EVA1A: variants seen among roughly 807,000 people sequenced by gnomAD.
EVA1A encodes protein eva-1 homolog A.
Under a neutral mutation model 9.8 loss-of-function variants are expected in EVA1A, and 7 were observed. The ratio of observed to expected loss-of-function variants is 0.71; its 90% CI spans 0.41 to 1.34. The LOEUF is 1.34. Ranked by LOEUF, EVA1A falls within the 40% of genes most tolerant of loss-of-function variation. The probability of loss-of-function intolerance (pLI) is 0.01; values close to 1 mark genes in which losing one functional copy is unlikely to be tolerated. For synonymous variants in EVA1A, 90 were observed against 85.6 expected (o/e 1.05, Z -0.28); for missense variants, 206 against 205.9 (o/e 1.00, Z 0.00).
chr2:75,561,765 C>T (rs932555612), upstream of EVA1A, among the ~76,000 whole-genome samples: 1 of 152,172 alleles, frequency 6.6e-6, no homozygotes, highest in African/African-American at 2.4e-5. Flanking sequence ...TAGCAAAGAG[C>T]ACAGCCAGGG....
upstream of EVA1A, among the ~76,000 whole-genome samples, chr2:75,562,783 G>C (rs1016388643): frequency 6.6e-6 from 1 of 152,344 alleles, no homozygotes; most frequent in Middle Eastern, 3.4e-3. Flanking sequence ...GTAATACTAC[G>C]TGTGTTAGCC....
chr2:75,526,651 A>G (rs1675449298), intron 1 of EVA1A, among the ~76,000 whole-genome samples: 1 of 152,212 alleles, frequency 6.6e-6, no homozygotes, highest in Non-Finnish European at 1.5e-5. Flanking sequence ...AAAGCACTGG[A>G]GACAGAAGGA....
intron 3 of EVA1A, among the ~76,000 whole-genome samples, chr2:75,508,557 C>T (rs1481504842): frequency 6.6e-6 from 1 of 152,130 alleles, no homozygotes; most frequent in Admixed American, 6.5e-5. Context: ...GACAATGGTA[C>T]CCGAAACTTC....
chr2:75,512,054 T>C (rs1674836386), intron 3 of EVA1A, among the ~76,000 whole-genome samples: 1 of 151,894 alleles, frequency 6.6e-6, no homozygotes, highest in South Asian at 2.1e-4. Flanking sequence ...ACATAGAAGC[T>C]ACACATATTT....
upstream of EVA1A, among the ~76,000 whole-genome samples, chr2:75,565,905 T>A (rs1425827509): frequency 1.3e-5 from 2 of 152,210 alleles, no homozygotes; most frequent in African/African-American, 4.8e-5. Context: ...TTAACAAAAG[T>A]GAATTTGAAA....
At chr2:75,525,096 T>C (rs1264538657) in intron 1 of EVA1A, among the ~76,000 whole-genome samples, 8 of 151,728 alleles carry the variant, frequency 5.3e-5, no homozygotes, top group Admixed American at 5.2e-4. Flanking sequence ...TACATACATA[T>C]ATAAATATAC....
At chr2:75,501,149 C>G (rs1674403602) in intron 3 of EVA1A, among the ~76,000 whole-genome samples, 1 of 152,130 alleles carries the variant, frequency 6.6e-6, no homozygotes, top group East Asian at 1.9e-4. Flanking sequence ...CTTCATTGTC[C>G]ACTCTTGACC....
chr2:75,555,259 A>T (rs996686460), intron 1 of EVA1A, among the ~76,000 whole-genome samples: 1 of 143,628 alleles, frequency 7.0e-6, no homozygotes, highest in Non-Finnish European at 1.5e-5. Context: ...GCTGGATCAC[A>T]GGCTGGATTT....
intron 1 of EVA1A, among the ~76,000 whole-genome samples, chr2:75,560,052 G>A (rs1572997339): frequency 2.0e-5 from 3 of 152,144 alleles, no homozygotes; most frequent in African/African-American, 7.2e-5. Context: ...TCAATAGTAG[G>A]GGTGGGGACC....
At chr2:75,563,264 G>C (rs1676959967), upstream of EVA1A, among the ~76,000 whole-genome samples, 1 of 152,244 alleles carries the variant, frequency 6.6e-6, no homozygotes, top group Non-Finnish European at 1.5e-5. Flanking sequence ...CAGGACAGAA[G>C]TGCATCCGTT....
At chr2:75,556,888 G>A (rs182313799) in intron 1 of EVA1A, among the ~76,000 whole-genome samples, 27 of 152,276 alleles carry the variant, frequency 1.8e-4, no homozygotes, top group African/African-American at 6.3e-4. Flanking sequence ...GAGCTCAGGC[G>A]ATGACCCTGT....
chr2:75,515,637 A>G (rs1674975928), intron 3 of EVA1A, among the ~76,000 whole-genome samples: 1 of 152,298 alleles, frequency 6.6e-6, no homozygotes, highest in African/African-American at 2.4e-5. Context: ...TTAAAACTCA[A>G]CCAGCAGAGG....
intron 3 of EVA1A, among the ~76,000 whole-genome samples, chr2:75,495,084 C>T (rs945551375): frequency 6.6e-6 from 1 of 152,048 alleles, no homozygotes; most frequent in Non-Finnish European, 1.5e-5. Flanking sequence ...ATCCCTCACC[C>T]CCCTCCCACC....
intron 3 of EVA1A, among the ~76,000 whole-genome samples, chr2:75,496,776 C>T (rs1674225864): frequency 6.6e-6 from 1 of 152,108 alleles, no homozygotes; most frequent in South Asian, 2.1e-4. Context: ...TCACATTACC[C>T]AACTTCAAGT....
At chr2:75,565,866 G>T (rs1001730902), upstream of EVA1A, among the ~76,000 whole-genome samples, 2 of 152,074 alleles carry the variant, frequency 1.3e-5, no homozygotes, top group Non-Finnish European at 2.9e-5. Flanking sequence ...TTCATGCTTT[G>T]CCCTACAGTT....
At chr2:75,538,338 C>T (rs141193364) in intron 1 of EVA1A, among the ~76,000 whole-genome samples, 6 of 152,108 alleles carry the variant, frequency 3.9e-5, no homozygotes, top group South Asian at 2.1e-4. Context: ...GAGTTCAGCA[C>T]GGTTGCAGGC....
intron 1 of EVA1A, among the ~76,000 whole-genome samples, chr2:75,541,054 T>C (rs1676099182): frequency 1.3e-5 from 2 of 152,112 alleles, no homozygotes; most frequent in Admixed American, 1.3e-4. Context: ...GTCACTCGCA[T>C]GGTGTGATAT....
intron 3 of EVA1A, among the ~76,000 whole-genome samples, chr2:75,516,289 G>C (rs1675003930): frequency 6.6e-6 from 1 of 152,178 alleles, no homozygotes; most frequent in African/African-American, 2.4e-5. Context: ...TAATCAGGGA[G>C]TGTTCCCCAT....
chr2:75,508,002 C>A (rs563709282), intron 3 of EVA1A, among the ~76,000 whole-genome samples: 1 of 152,316 alleles, frequency 6.6e-6, no homozygotes, highest in African/African-American at 2.4e-5. Context: ...CTCTTTACTG[C>A]AATCTCTAAA....
Sources: gnomAD v4.1 joint callset for allele counts (sites outside exome capture counted in the v4.1 genomes callset) on GRCh38, gnomAD v4.1.1 for gene constraint, MANE v1.5 for transcripts, NCBI Gene and HGNC (gene_info 2026-07-23, HGNC 2026-07-21) for gene names.